Variants in GPC5 observed in about 807,000 individuals in gnomAD.
The protein encoded by GPC5 is glypican-5.
GPC5 carries 47 observed loss-of-function variants against 53.9 expected under a neutral mutation model. That is an observed-to-expected ratio of 0.87 (90% CI 0.69 to 1.11). The LOEUF (loss-of-function observed/expected upper bound fraction) is 1.11. GPC5 is among the 50% of genes most tolerant of loss of function. The pLI, the probability that GPC5 is intolerant of heterozygous loss-of-function variation, is 0.00. For synonymous variants in GPC5, 286 were observed against 263.3 expected (o/e 1.09, Z -0.84); for missense variants, 748 against 713.1 (o/e 1.05, Z -0.56).
chr13:91,642,519 A>T (rs182190010), intron 2 of GPC5, among the ~76,000 whole-genome samples: 1 of 152,294 alleles, frequency 6.6e-6, no homozygotes, highest in East Asian at 1.9e-4. Flanking sequence ...TTCAAGAATG[A>T]TGATGAGATC....
intron 7 of GPC5, among the ~76,000 whole-genome samples, chr13:92,597,793 C>G (rs1250693812): frequency 6.6e-6 from 1 of 152,250 alleles, no homozygotes; most frequent in Non-Finnish European, 1.5e-5. Flanking sequence ...TAGCCCTTCT[C>G]TATGCCTAAA....
At position 92,193,943 on chromosome 13, in the gene GPC5, G is replaced by A. The variant is rs567176913; in HGVS notation, c.1561+48954G>A. Among the ~76,000 whole-genome samples, 10 of 152,104 alleles carry A rather than the reference G, an allele frequency of 6.6e-5. 1 individual carries two copies. The South Asian group carries it at 1.7e-3, about 25-fold the overall frequency. On this transcript the variant is annotated intron_variant, in intron 7 of 7. Transcript: ENST00000377067. ...CTTATCCAACTATATACATTTTAAGGGGAAGAGAAATAATATTCTTTTTGA... is the reference window on the plus strand; with the variant it reads ...CTTATCCAACTATATACATTTTAAGAGGAAGAGAAATAATATTCTTTTTGA...
chr13:92,455,503 C>T (rs565819100), intron 7 of GPC5, among the ~76,000 whole-genome samples: 71 of 152,010 alleles, frequency 4.7e-4, no homozygotes, highest in African/African-American at 1.6e-3. Context: ...CTGGTGTAAG[C>T]GATATCCATG....
At chr13:92,156,535 G>A (rs942820535) in intron 7 of GPC5, among the ~76,000 whole-genome samples, 3 of 152,074 alleles carry the variant, frequency 2.0e-5, no homozygotes, top group African/African-American at 4.8e-5. Context: ...TTTCTGCTTT[G>A]AGGTTAATGA....
At chr13:92,505,833 T>C (rs1012718235) in intron 7 of GPC5, among the ~76,000 whole-genome samples, 1 of 152,140 alleles carries the variant, frequency 6.6e-6, no homozygotes, top group African/African-American at 2.4e-5. Context: ...TCGAAGGCTT[T>C]AATCTGAGTG....
intron 1 of GPC5, among the ~76,000 whole-genome samples, chr13:91,417,330 G>A (rs921069784): frequency 6.6e-6 from 1 of 152,110 alleles, no homozygotes; most frequent in African/African-American, 2.4e-5. Flanking sequence ...TGGGTGTGTA[G>A]GTGAATTTCT....
chr13:92,017,635 A>G (rs2040718458), intron 6 of GPC5, among the ~76,000 whole-genome samples: 1 of 152,302 alleles, frequency 6.6e-6, no homozygotes. Context: ...ATATAAAAAT[A>G]TGATTCAGTG....
In GPC5 at chr13:91,587,850, G is replaced by A. The variant is rs553358875; in HGVS notation, c.326-105337G>A. On this transcript the variant is annotated intron_variant, in intron 2 of 7. Coordinates refer to ENST00000377067, the MANE Select transcript of GPC5 (RefSeq NM_004466.6). ...TTTATGGTTGAAGACTTAAGCTTGTGTGAATGAAGTCTAACACTTTTGAGA... is the reference window on the plus strand; with the variant it reads ...TTTATGGTTGAAGACTTAAGCTTGTATGAATGAAGTCTAACACTTTTGAGA... Among the ~76,000 whole-genome samples, 104 of 152,234 alleles carry A rather than the reference G, an allele frequency of 6.8e-4. 1 individual carries two copies. The Middle Eastern group carries it at 0.01, about 15-fold the overall frequency.
chr13:92,097,060 G>T (rs563010670), intron 6 of GPC5, among the ~76,000 whole-genome samples: 10 of 152,344 alleles, frequency 6.6e-5, no homozygotes, highest in Non-Finnish European at 1.0e-4. Context: ...ATCAGGAATA[G>T]ACTGTCTTAG....
At position 92,268,103 on chromosome 13, in the gene GPC5, T is replaced by G. The variant is rs1375058292; in HGVS notation, c.1561+123114T>G. Among the ~76,000 whole-genome samples, 12 of 137,872 alleles carry G rather than the reference T, an allele frequency of 8.7e-5. No individual in the cohort carries two copies. The East Asian group carries it at 2.5e-3, about 29-fold the overall frequency. 90.4% of individuals were successfully genotyped at this position (137,872 alleles called of 152,430 possible). On this transcript the variant is annotated intron_variant, in intron 7 of 7. Transcript: ENST00000377067. The stretch of plus-strand genomic sequence containing the variant: ...TCAAAACACAATGGATAAGGCACCT[T>G]AATTTCAGGACTTAAAAAAAAAATC...
At chr13:92,732,876 A>G (rs949785975) in intron 7 of GPC5, among the ~76,000 whole-genome samples, 6 of 151,546 alleles carry the variant, frequency 4.0e-5, no homozygotes, top group Non-Finnish European at 8.9e-5. Context: ...TGATGTGATC[A>G]TTTCATTCCT....
intron 7 of GPC5, among the ~76,000 whole-genome samples, chr13:92,287,232 A>G (rs1364645882): frequency 6.6e-6 from 1 of 152,136 alleles, no homozygotes; most frequent in Non-Finnish European, 1.5e-5. Flanking sequence ...TACTTTGTAT[A>G]GTTTCTGTCT....
chr13:92,862,837 T>C (rs1879226144), intron 7 of GPC5, among the ~76,000 whole-genome samples: 2 of 152,128 alleles, frequency 1.3e-5, no homozygotes, highest in Non-Finnish European at 2.9e-5. Flanking sequence ...ATAGAACAAA[T>C]TGTCTCTAAA....
chr13:91,543,563 TTA>T (rs2030095694), intron 2 of GPC5, among the ~76,000 whole-genome samples: 1 of 152,038 alleles, frequency 6.6e-6, no homozygotes, highest in Non-Finnish European at 1.5e-5. Flanking sequence ...AGGTTTATTT[TTA>T]TGTTATAGTA....
intron 7 of GPC5, among the ~76,000 whole-genome samples, chr13:92,291,828 C>T (rs1386199616): frequency 3.3e-5 from 5 of 152,082 alleles, no homozygotes; most frequent in African/African-American, 7.2e-5. Context: ...CAACTCCAGA[C>T]GCACTGCCTT....
chr13:92,542,608 T>C (rs565389530), intron 7 of GPC5, among the ~76,000 whole-genome samples: 1 of 152,164 alleles, frequency 6.6e-6, no homozygotes, highest in South Asian at 2.1e-4. Context: ...TTTTTCACGA[T>C]GTTAATTATT....
intron 7 of GPC5, among the ~76,000 whole-genome samples, chr13:92,458,250 T>G (rs1176813117): frequency 1.4e-5 from 2 of 145,808 alleles, no homozygotes; most frequent in East Asian, 4.2e-4. Flanking sequence ...TACTTATTTA[T>G]ATCTCTGACA....
chr13:91,664,701 G>A (rs1315894469), intron 2 of GPC5, among the ~76,000 whole-genome samples: 1 of 152,128 alleles, frequency 6.6e-6, no homozygotes, highest in Admixed American at 6.5e-5. Flanking sequence ...ATTAAGGTCT[G>A]CATGTTGCTT....
chr13:91,505,760 A>G (rs1306721966), intron 2 of GPC5, among the ~76,000 whole-genome samples: 2 of 152,116 alleles, frequency 1.3e-5, no homozygotes, highest in African/African-American at 4.8e-5. Context: ...TTGGTAGGGG[A>G]AATCCATAAG....
Sources: allele counts gnomAD v4.1 joint callset (sites outside exome capture counted in the v4.1 genomes callset), GRCh38; gene constraint gnomAD v4.1.1; transcripts MANE v1.5; gene names NCBI Gene and HGNC (gene_info 2026-07-23, HGNC 2026-07-21).